INSL6: variants seen among roughly 807,000 people sequenced by gnomAD.
The protein encoded by INSL6 is insulin-like peptide INSL6.
Under a neutral mutation model 9.4 loss-of-function variants are expected in INSL6, and 16 were observed. The observed-to-expected ratio is 1.70, with a 90% CI of 1.15 to 2.59. INSL6 has a LOEUF of 2.59. INSL6 is among the 30% of genes most tolerant of loss of function. The probability of loss-of-function intolerance (pLI) is 0.00; values close to 1 mark genes in which losing one functional copy is unlikely to be tolerated. For missense variants in INSL6, 391 were observed against 257.3 expected (o/e 1.52, Z -3.56); for synonymous variants, 154 against 96.9 (o/e 1.59, Z -3.46).
At chr9:5,098,697 C>CT in the INSL6 span, 1,976 of 142,968 alleles carry the variant, frequency 0.014, 31 homozygotes, top group African/African-American at 0.037. Flanking sequence ...GCTTCAATTC[C>CT]TTTTTTTTTT....
chr9:5,041,255 A>C, the INSL6 span: 2 of 1,423,180 alleles, frequency 1.4e-6, no homozygotes, highest in South Asian at 2.4e-5. Context: ...CGCCATCCAC[A>C]TCATCGACCT....
At chr9:5,035,278 A>T in the INSL6 span, among the ~76,000 whole-genome samples, 5 of 152,230 alleles carry the variant, frequency 3.3e-5, no homozygotes, top group Admixed American at 3.3e-4. Context: ...GACCAGATGG[A>T]TTCACAGCTG....
downstream of INSL6, among the ~76,000 whole-genome samples, chr9:5,123,478 A>C (rs1243247588): frequency 6.6e-6 from 1 of 151,982 alleles, no homozygotes; most frequent in Non-Finnish European, 1.5e-5. Flanking sequence ...AAAAGACATA[A>C]TTTCATTCGT....
chr9:5,086,077 A>C, the INSL6 span: 1 of 663,020 alleles, frequency 1.5e-6, no homozygotes, highest in Non-Finnish European at 2.8e-6. Flanking sequence ...ATCTGAGACA[A>C]GTCAAGTCCC....
At chr9:5,111,808 G>A in the INSL6 span, 17 of 422,204 alleles carry the variant, frequency 4.0e-5, no homozygotes, top group Middle Eastern at 1.0e-3. Flanking sequence ...CCGGAGCCAC[G>A]TAGGCGGCGT....
chr9:5,086,631 T>C, the INSL6 span, among the ~76,000 whole-genome samples: 1 of 152,246 alleles, frequency 6.6e-6, no homozygotes, highest in Non-Finnish European at 1.5e-5. Flanking sequence ...CCCAAAGTTA[T>C]GATTATGTTA....
At chr9:5,037,440 A>T in the INSL6 span, among the ~76,000 whole-genome samples, 6 of 152,248 alleles carry the variant, frequency 3.9e-5, no homozygotes, top group Non-Finnish European at 8.8e-5. Context: ...CACAATAACA[A>T]AGACTTGGAA....
the INSL6 span, among the ~76,000 whole-genome samples, chr9:5,056,663 G>A: frequency 6.6e-6 from 1 of 151,968 alleles, no homozygotes; most frequent in African/African-American, 2.4e-5. Context: ...CAGTACTCAG[G>A]GCCTAGTTTA....
At chr9:5,029,502 T>G in the INSL6 span, among the ~76,000 whole-genome samples, 4 of 152,292 alleles carry the variant, frequency 2.6e-5, no homozygotes, top group South Asian at 8.3e-4. Context: ...ACTTACTAGA[T>G]TCACACTTGC....
the INSL6 span, among the ~76,000 whole-genome samples, chr9:5,060,554 T>TGTCGCTTA: frequency 6.6e-6 from 1 of 152,226 alleles, no homozygotes. Flanking sequence ...AAGCAACTTA[T>TGTCGCTTA]CTGTCCAAAT....
chr9:5,097,453 C>G, the INSL6 span: 1 of 152,058 alleles, frequency 6.6e-6, no homozygotes, highest in Non-Finnish European at 1.5e-5. Flanking sequence ...AAAAAAGGAG[C>G]CATTTGGGTA....
At chr9:5,082,512 C>T in the INSL6 span, among the ~76,000 whole-genome samples, 2 of 152,232 alleles carry the variant, frequency 1.3e-5, no homozygotes, top group South Asian at 4.1e-4. Context: ...TATACCGAGG[C>T]ATTCAGTTCC....
At chr9:5,127,275 A>G in intron 3 of INSL6, 1 of 232,598 alleles carries the variant, frequency 4.3e-6, no homozygotes, top group Non-Finnish European at 8.5e-6. Flanking sequence ...ATCTATAATT[A>G]ATTACTTCAC....
At chr9:5,180,604 C>A (rs10974991) in intron 1 of INSL6, among the ~76,000 whole-genome samples, 1 of 151,986 alleles carries the variant, frequency 6.6e-6, no homozygotes, top group Non-Finnish European at 1.5e-5. Context: ...ACGCCCTGGT[C>A]TCCTGCAGTA....
intron 2 of INSL6, among the ~76,000 whole-genome samples, chr9:5,135,424 T>C (rs532765228): frequency 6.6e-6 from 1 of 152,304 alleles, no homozygotes; most frequent in Admixed American, 6.5e-5. Context: ...TAACAGTCTC[T>C]CATATCAGAG....
At chr9:5,115,310 A>G in the INSL6 span, among the ~76,000 whole-genome samples, 5 of 152,212 alleles carry the variant, frequency 3.3e-5, no homozygotes, top group Non-Finnish European at 1.5e-5. Flanking sequence ...ATATGAAAAA[A>G]AGCTCATCAT....
chr9:5,072,964 CAAAA>C, the INSL6 span, among the ~76,000 whole-genome samples: 4 of 150,532 alleles, frequency 2.7e-5, no homozygotes, highest in Admixed American at 2.0e-4. Context: ...GAAAAAAAAA[CAAAA>C]AACCAAGTTT....
chr9:5,079,707 A>G, the INSL6 span, among the ~76,000 whole-genome samples: 1 of 152,002 alleles, frequency 6.6e-6, no homozygotes. Context: ...TGGGAGGCTG[A>G]TTGCTTCCTA....
At chr9:5,063,244 T>C in the INSL6 span, among the ~76,000 whole-genome samples, 15 of 152,212 alleles carry the variant, frequency 9.9e-5, no homozygotes, top group African/African-American at 3.1e-4. Flanking sequence ...CTTTATGATT[T>C]TTCCTTTGTA....
Sources: allele counts gnomAD v4.1 joint callset (sites outside exome capture counted in the v4.1 genomes callset), GRCh38; gene constraint gnomAD v4.1.1; transcripts MANE v1.5; gene names NCBI Gene and HGNC (gene_info 2026-07-23, HGNC 2026-07-21).